Variants in SLC25A40 observed in about 807,000 individuals in gnomAD.
SLC25A40 encodes the protein mitochondrial glutathione transporter SLC25A40.
Under a neutral mutation model 46.5 loss-of-function variants are expected in SLC25A40, and 41 were observed. That is an observed-to-expected ratio of 0.88 (90% CI 0.69 to 1.14). SLC25A40 has a LOEUF of 1.14. SLC25A40 is among the 50% of genes most tolerant of loss of function. SLC25A40 has a pLI of 0.00. For synonymous variants in SLC25A40, 126 were observed against 127.5 expected, an observed-to-expected ratio of 0.99 and a Z score of 0.08; for missense variants, 386 against 393.6, an observed-to-expected ratio of 0.98 and a Z score of 0.16.
chr7:87,837,950 A>C (rs957958348), intron 10 of SLC25A40, among the ~76,000 whole-genome samples: 1 of 151,522 alleles, frequency 6.6e-6, no homozygotes, highest in Non-Finnish European at 1.5e-5. Context: ...CTGGGAGAGA[A>C]AAGTTAAAGA....
intron 5 of SLC25A40, among the ~76,000 whole-genome samples, chr7:87,850,565 C>T (rs1440637683): frequency 6.6e-6 from 1 of 152,042 alleles, no homozygotes; most frequent in Non-Finnish European, 1.5e-5. Context: ...CCCAGGAGTT[C>T]GACATCAGCC....
chr7:87,871,760 C>T (rs1451516213), intron 1 of SLC25A40, among the ~76,000 whole-genome samples: 1 of 152,104 alleles, frequency 6.6e-6, no homozygotes, highest in Non-Finnish European at 1.5e-5. Context: ...GGATGCTGAT[C>T]CATAATTTTT....
chr7:87,860,674 T>C (rs901888064), intron 1 of SLC25A40, 34 bp from the exon 2 acceptor site: 8 of 152,162 alleles, frequency 5.3e-5, no homozygotes, highest in African/African-American at 1.9e-4. Flanking sequence ...GTCTTATCTT[T>C]TCACACAGGA....
chr7:87,867,081 C>T (rs1486604094), intron 1 of SLC25A40, among the ~76,000 whole-genome samples: 1 of 152,196 alleles, frequency 6.6e-6, no homozygotes, highest in Non-Finnish European at 1.5e-5. Flanking sequence ...CAACATATGC[C>T]TTAGGGAAAT....
intron 5 of SLC25A40, among the ~76,000 whole-genome samples, chr7:87,852,413 T>A (rs1184595401): frequency 6.6e-6 from 1 of 152,064 alleles, no homozygotes; most frequent in Non-Finnish European, 1.5e-5. Flanking sequence ...AGACCCTGTC[T>A]CTACAAAAAA....
At chr7:87,857,856 G>A (rs906185000) in intron 3 of SLC25A40, among the ~76,000 whole-genome samples, 10 of 152,158 alleles carry the variant, frequency 6.6e-5, no homozygotes, top group African/African-American at 1.7e-4. Flanking sequence ...CCGCAGGGTC[G>A]GGCAAAATAG....
intron 1 of SLC25A40, among the ~76,000 whole-genome samples, chr7:87,870,155 T>C (rs1012577): frequency 0.1 from 15,210 of 151,578 alleles, 1,086 homozygotes; most frequent in Non-Finnish European, 0.15. Flanking sequence ...CATCTTCTTA[T>C]TGAGTTATAA....
chr7:87,846,929 A>G lies in SLC25A40; in HGVS notation c.631+20T>C. 1 of 1,571,602 alleles carries G rather than the reference A, an allele frequency of 6.4e-7. No homozygotes were observed. Among genetic ancestry groups the G allele is most frequent in the Admixed American group, 2.0e-5 (1 of 51,038 alleles). On this transcript the variant is annotated intron_variant, in intron 8 of 11. Transcript: ENST00000341119. ...CAAAGCCATGTAAAATTTAGTAGCT[A>G]CAAATAAGATAAATCCTACCTGAGA...
At position 87,850,381 on chromosome 7, in the gene SLC25A40, C is replaced by G. The variant is rs746934549; in HGVS notation, c.265-433G>C. Among the ~76,000 whole-genome samples the G allele has an allele frequency of 4.9e-4, 75 of 152,136 alleles. 3 individuals carry two copies. The highest frequency in any genetic ancestry group is 4.8e-5 in the African/African-American group (2 of 41,440). On this transcript the variant is annotated intron_variant, in intron 5 of 11. Coordinates refer to ENST00000341119, the MANE Select transcript of SLC25A40 (RefSeq NM_018843.4). ...GAAGTCTTCTATTAACAGACAGACT[C>G]TTACAATTTGATAACAAAAAGATAA...
intron 3 of SLC25A40, among the ~76,000 whole-genome samples, chr7:87,856,658 GAAGTAA>G (rs965401886): frequency 2.2e-4 from 33 of 152,174 alleles, no homozygotes; most frequent in African/African-American, 6.7e-4. Context: ...TCTAATATAA[GAAGTAA>G]AAGTTCCAAA....
intron 8 of SLC25A40, among the ~76,000 whole-genome samples, chr7:87,846,530 G>A (rs920697163): frequency 1.3e-5 from 2 of 152,086 alleles, no homozygotes; most frequent in Non-Finnish European, 2.9e-5. Context: ...TCATTTAATG[G>A]GGAGATGTTT....
intron 10 of SLC25A40, among the ~76,000 whole-genome samples, chr7:87,837,593 T>A (rs1838274596): frequency 6.6e-6 from 1 of 151,310 alleles, no homozygotes; most frequent in African/African-American, 2.4e-5. Context: ...AAAGTAGATG[T>A]CACTGAAGTA....
At chr7:87,849,801 A>G in intron 6 of SLC25A40, 80 bp downstream of exon 6, 1 of 1,051,654 alleles carries the variant, frequency 9.5e-7, no homozygotes, top group Non-Finnish European at 1.4e-6. Context: ...TTAAAAATGC[A>G]AGACTTTGTC....
In SLC25A40 at chr7:87,858,825, T is replaced by TA. The variant is rs548738618; in HGVS notation, c.-24-75_-24-74insT. On this transcript the variant is annotated intron_variant, in intron 2 of 11. Transcript: ENST00000341119. ...AAATGATAACATCCTTCAGCTAAGC[T>TA]GGGTGAGCAGCATCACATTAGTAAG... 357 of 794,158 alleles carry TA rather than the reference T, an allele frequency of 4.5e-4. 4 individuals carry two copies. In the South Asian group the frequency reaches 5.0e-3, roughly 11 times the overall value. The allele number at this position is 794,158 out of a possible 1,614,324, so 49.2% of individuals were successfully genotyped here. A position where few individuals can be genotyped will look rare whatever the true frequency, so the allele number is the denominator to read the frequency against.
intron 5 of SLC25A40, among the ~76,000 whole-genome samples, chr7:87,851,238 T>C (rs1287890903): frequency 1.3e-5 from 2 of 152,214 alleles, no homozygotes; most frequent in Admixed American, 6.5e-5. Flanking sequence ...TAATATTACT[T>C]GGCAATAAAA....
At chr7:87,846,299 A>G (rs1204804629) in intron 8 of SLC25A40, among the ~76,000 whole-genome samples, 1 of 152,190 alleles carries the variant, frequency 6.6e-6, no homozygotes, top group Non-Finnish European at 1.5e-5. Flanking sequence ...CATGATTTTT[A>G]AAAGATATTT....
At chr7:87,837,966 T>C (rs1040392879) in intron 10 of SLC25A40, among the ~76,000 whole-genome samples, 1 of 151,474 alleles carries the variant, frequency 6.6e-6, no homozygotes, top group Non-Finnish European at 1.5e-5. Flanking sequence ...AAAGATAAAA[T>C]GGTATCTTTC....
intron 10 of SLC25A40, among the ~76,000 whole-genome samples, chr7:87,837,302 A>C (rs193187010): frequency 6.6e-6 from 1 of 151,074 alleles, no homozygotes; most frequent in Non-Finnish European, 1.5e-5. Context: ...AATGCCAAAG[A>C]AAAGTCCTCA....
intron 9 of SLC25A40, among the ~76,000 whole-genome samples, 184 bp downstream of exon 9, chr7:87,843,570 C>G (rs1209495824): frequency 6.6e-6 from 1 of 151,936 alleles, no homozygotes; most frequent in Non-Finnish European, 1.5e-5. Context: ...AAAACAAATA[C>G]AGTATATTTA....
Sources: gnomAD v4.1 joint callset for allele counts (sites outside exome capture counted in the v4.1 genomes callset) on GRCh38, gnomAD v4.1.1 for gene constraint, MANE v1.5 for transcripts, NCBI Gene and HGNC (gene_info 2026-07-23, HGNC 2026-07-21) for gene names.